ATRNL1: variants seen among roughly 807,000 people sequenced by gnomAD.
The protein encoded by ATRNL1 is attractin like 1.
A neutral mutation model predicts 182.7 loss-of-function variants in ATRNL1; 95 were observed. That is an observed-to-expected ratio of 0.52 (90% confidence interval 0.44 to 0.62). The LOEUF (loss-of-function observed/expected upper bound fraction) is 0.62. Ranked by LOEUF, ATRNL1 falls within the 20% of genes least tolerant of loss-of-function variation. The probability of loss-of-function intolerance (pLI) is 0.00; values close to 1 mark genes in which losing one functional copy is unlikely to be tolerated. For missense variants in ATRNL1, 1,471 were observed against 1,679.5 expected, an observed-to-expected ratio of 0.88 and a Z score of 2.17; for synonymous variants, 576 against 568.3, an observed-to-expected ratio of 1.01 and a Z score of -0.19.
chr10:115,539,397 C>A (rs1852224122), intron 25 of ATRNL1, among the ~76,000 whole-genome samples: 1 of 152,166 alleles, frequency 6.6e-6, no homozygotes, highest in African/African-American at 2.4e-5. Context: ...GAAACCTGGA[C>A]AAAATTCATG....
At chr10:115,288,089 C>T (rs1852716775) in intron 15 of ATRNL1, among the ~76,000 whole-genome samples, 1 of 152,066 alleles carries the variant, frequency 6.6e-6, no homozygotes, top group Admixed American at 6.5e-5. Flanking sequence ...ATATTATCCC[C>T]TTACTTATAT....
chr10:115,585,333 A>AAT (rs1230506925), intron 26 of ATRNL1, among the ~76,000 whole-genome samples: 73 of 108,846 alleles, frequency 6.7e-4, no homozygotes, highest in Non-Finnish European at 1.4e-3. Context: ...TGATCTTTCT[A>AAT]ATATTGACAG....
intron 28 of ATRNL1, among the ~76,000 whole-genome samples, chr10:115,914,573 T>C (rs1383703620): frequency 6.6e-6 from 1 of 152,210 alleles, no homozygotes; most frequent in Non-Finnish European, 1.5e-5. Context: ...GTATTTCTGC[T>C]GGTGAGGCAG....
intron 8 of ATRNL1, among the ~76,000 whole-genome samples, chr10:115,208,870 G>A (rs557465225): frequency 6.6e-5 from 10 of 151,774 alleles, no homozygotes; most frequent in Admixed American, 2.0e-4. Flanking sequence ...TCTAGGGTAC[G>A]TGATTTCTTT....
At chr10:115,457,924 T>G (rs1277871048) in intron 21 of ATRNL1, among the ~76,000 whole-genome samples, 2 of 152,160 alleles carry the variant, frequency 1.3e-5, no homozygotes, top group Non-Finnish European at 2.9e-5. Context: ...AAACTGAAGT[T>G]TTCTTATGTG....
chr10:115,324,150 T>A (rs2134041052), intron 18 of ATRNL1, among the ~76,000 whole-genome samples: 1 of 152,228 alleles, frequency 6.6e-6, no homozygotes, highest in Non-Finnish European at 1.5e-5. Flanking sequence ...GTTTTTATGG[T>A]GTTTTTGAAT....
chr10:115,259,472 A>G (rs141874172), intron 10 of ATRNL1, among the ~76,000 whole-genome samples: 241 of 152,276 alleles, frequency 1.6e-3, no homozygotes, highest in African/African-American at 5.5e-3. Context: ...AAACTTTGGG[A>G]AAAGCGCAGT....
Position 115,630,840 on chromosome 10 carries a change from A to G in ATRNL1, c.3795+81304A>G, listed in dbSNP as rs1555026097. 3.1e-5 allele frequency among the ~76,000 whole-genome samples: 4 copies of G among 129,676 alleles called. No homozygotes were observed. In the East Asian group the frequency reaches 6.4e-4, roughly 21 times the overall value. 85.1% of individuals were successfully genotyped at this position (129,676 alleles called of 152,430 possible). A position where few individuals can be genotyped will look rare whatever the true frequency, so the allele number is the denominator to read the frequency against. On this transcript the variant is annotated intron_variant, in intron 26 of 28. Transcript: ENST00000355044. The stretch of plus-strand genomic sequence containing the variant: ...ATATATGTATTATACACACACACAC[A>G]CACACACACACACACACACACACAC...
intron 26 of ATRNL1, among the ~76,000 whole-genome samples, chr10:115,560,549 T>C (rs576343816): frequency 2.6e-4 from 40 of 152,302 alleles, no homozygotes; most frequent in African/African-American, 9.4e-4. Flanking sequence ...TACTATATGT[T>C]GATGGATTCA....
intron 26 of ATRNL1, among the ~76,000 whole-genome samples, chr10:115,615,222 T>C (rs1857371104): frequency 6.6e-6 from 1 of 152,086 alleles, no homozygotes; most frequent in Non-Finnish European, 1.5e-5. Context: ...TTTGAGTGTT[T>C]TTATAATAAT....
intron 9 of ATRNL1, among the ~76,000 whole-genome samples, chr10:115,221,619 C>T (rs1465609221): frequency 6.6e-6 from 1 of 152,048 alleles, no homozygotes; most frequent in Non-Finnish European, 1.5e-5. Flanking sequence ...GTAATTTTAA[C>T]CTTGAGACAG....
rs573684625 is a variant in ATRNL1 at position 115,338,522 on chromosome 10, C to G, written c.3175+4103C>G. On this transcript the variant is annotated intron_variant, in intron 19 of 28. Transcript: ENST00000355044. ...ATATGCCTGTTTGTCATTTGTATGTCTTCTTTTGAGAAATATCTCTTCAAA... is the reference window on the plus strand; with the variant it reads ...ATATGCCTGTTTGTCATTTGTATGTGTTCTTTTGAGAAATATCTCTTCAAA... 3.9e-5 allele frequency among the ~76,000 whole-genome samples: 6 copies of G among 152,248 alleles called. No individual in the cohort carries two copies. In the South Asian group the frequency reaches 1.2e-3, roughly 32 times the overall value.
chr10:115,171,013 T>C, intron 7 of ATRNL1, 24 bp from the exon 8 acceptor site: 4 of 1,337,628 alleles, frequency 3.0e-6, no homozygotes, highest in Non-Finnish European at 4.0e-6. Context: ...TTTTATCTAT[T>C]AATATATGTA....
intron 27 of ATRNL1, among the ~76,000 whole-genome samples, chr10:115,746,172 C>T (rs1555069127): frequency 6.6e-6 from 1 of 152,106 alleles, no homozygotes; most frequent in Non-Finnish European, 1.5e-5. Context: ...TATGCTCTCT[C>T]ACCCCGAACT....
At chr10:115,827,887 A>G (rs1950472931) in intron 27 of ATRNL1, among the ~76,000 whole-genome samples, 1 of 152,310 alleles carries the variant, frequency 6.6e-6, no homozygotes, top group East Asian at 1.9e-4. Context: ...CTCTGAAGGC[A>G]GTACCCCAGA....
chr10:115,243,291 A>G (rs1429134619), intron 10 of ATRNL1, among the ~76,000 whole-genome samples: 2 of 152,076 alleles, frequency 1.3e-5, no homozygotes, highest in African/African-American at 4.8e-5. Context: ...AGATTATGAT[A>G]TATCAAGTTT....
At chr10:115,401,922 G>T (rs1250706686) in intron 20 of ATRNL1, among the ~76,000 whole-genome samples, 1 of 152,064 alleles carries the variant, frequency 6.6e-6, no homozygotes. Flanking sequence ...GATAATTTTA[G>T]TTCCTATATT....
At chr10:115,927,947 T>A (rs1221227957) in intron 28 of ATRNL1, among the ~76,000 whole-genome samples, 3 of 151,954 alleles carry the variant, frequency 2.0e-5, no homozygotes, top group African/African-American at 7.2e-5. Context: ...CTTGAAAAAG[T>A]CTAATTTTTG....
At chr10:115,804,698 T>C (rs1165179824) in intron 27 of ATRNL1, among the ~76,000 whole-genome samples, 5 of 152,056 alleles carry the variant, frequency 3.3e-5, no homozygotes, top group African/African-American at 1.2e-4. Flanking sequence ...GGCTCAAGGA[T>C]CCTTAAAATA....
Sources: allele counts gnomAD v4.1 joint callset (sites outside exome capture counted in the v4.1 genomes callset), GRCh38; gene constraint gnomAD v4.1.1; transcripts MANE v1.5; gene names NCBI Gene and HGNC (gene_info 2026-07-23, HGNC 2026-07-21).